Variants in ARFIP1 observed in about 807,000 individuals in gnomAD.
The protein encoded by ARFIP1 is arfaptin-1.
ARFIP1 carries 24 observed loss-of-function variants against 42.5 expected under a neutral mutation model. The observed-to-expected ratio is 0.57, with a 90% CI of 0.41 to 0.80. The LOEUF (loss-of-function observed/expected upper bound fraction) is 0.80. Among genes scored for constraint, ARFIP1 ranks in the 30% least tolerant of loss-of-function variants. The pLI is 0.00. For synonymous variants in ARFIP1, 141 were observed against 153.7 expected (o/e 0.92, Z 0.61); for missense variants, 354 against 434.0 (o/e 0.82, Z 1.64).
At chr4:152,811,559 G>T (rs1211259921) in intron 1 of ARFIP1, among the ~76,000 whole-genome samples, 1 of 152,116 alleles carries the variant, frequency 6.6e-6, no homozygotes, top group African/African-American at 2.4e-5. Context: ...TCCAGAAATG[G>T]TAAGTAGTAG....
chr4:152,854,359 T>C (rs181779726), intron 2 of ARFIP1, among the ~76,000 whole-genome samples: 6 of 152,370 alleles, frequency 3.9e-5, no homozygotes, highest in East Asian at 1.9e-4. Flanking sequence ...AAATTTCTCA[T>C]TCATATCCTG....
At chr4:152,849,751 G>A (rs1732837538) in intron 2 of ARFIP1, among the ~76,000 whole-genome samples, 1 of 152,162 alleles carries the variant, frequency 6.6e-6, no homozygotes, top group African/African-American at 2.4e-5. Context: ...GATGGAATAA[G>A]ATACAGGAGG....
Position 152,910,157 on chromosome 4 carries a change from C to A in ARFIP1, c.1060C>A (p.Gln354Lys). ...GAAGCAGCTTGAACAGACACTTAAA[C>A]AGTTCCATATCAAATTGAAAACCCC... Reference protein sequence around the residue: ...NQKQLEQTLKQFHIKLKTPGV... With the variant: ...NQKQLEQTLKKFHIKLKTPGV... The change falls in exon 9 of 9, where the codon CAG (glutamine) becomes AAG (lysine). Residue 354 changes from glutamine to lysine, a missense_variant. Physicochemically the swap from Gln to Lys is moderately conservative, Grantham distance 53. Transcript: ENST00000353617. The A allele has an allele frequency of 6.2e-7, 1 of 1,614,172 alleles. No homozygotes were observed. Among genetic ancestry groups the A allele is most frequent in the Non-Finnish European group, 8.5e-7 (1 of 1,180,018 alleles).
chr4:152,884,489 CCTT>C (rs1293520871), intron 7 of ARFIP1, among the ~76,000 whole-genome samples: 10 of 151,506 alleles, frequency 6.6e-5, no homozygotes. Context: ...ATTTTCTAGT[CCTT>C]CTGATTGTTT....
intron 1 of ARFIP1, among the ~76,000 whole-genome samples, chr4:152,783,834 G>GGTGT (rs748960689): frequency 4.7e-5 from 7 of 149,858 alleles, no homozygotes; most frequent in Admixed American, 1.3e-4. Flanking sequence ...ATAAGTCTCT[G>GGTGT]GTGTGTGTGT....
At chr4:152,829,800 C>G in intron 2 of ARFIP1, 74 bp downstream of exon 2, 2 of 1,177,448 alleles carry the variant, frequency 1.7e-6, no homozygotes, top group Non-Finnish European at 1.2e-6. Context: ...AAGTAATAGA[C>G]AAAATTTAAT....
chr4:152,892,633 G>A (rs571159863), intron 8 of ARFIP1, among the ~76,000 whole-genome samples: 22 of 152,226 alleles, frequency 1.4e-4, no homozygotes, highest in South Asian at 4.1e-4. Context: ...CCTTTCTTCC[G>A]TATGGCAAAA....
chr4:152,866,436 TA>T (rs1734348328), intron 3 of ARFIP1, among the ~76,000 whole-genome samples: 1 of 144,990 alleles, frequency 6.9e-6, no homozygotes, highest in Admixed American at 6.8e-5. Flanking sequence ...CACTTCCCAG[TA>T]GGGGCGGCCG....
At chr4:152,878,730 G>A (rs1162711032) in intron 5 of ARFIP1, among the ~76,000 whole-genome samples, 1 of 152,058 alleles carries the variant, frequency 6.6e-6, no homozygotes, top group Non-Finnish European at 1.5e-5. Flanking sequence ...GCTTGTAACC[G>A]TTATTTCTGT....
chr4:152,848,046 C>A (rs376723647), intron 2 of ARFIP1, among the ~76,000 whole-genome samples: 2 of 152,214 alleles, frequency 1.3e-5, no homozygotes, highest in African/African-American at 4.8e-5. Flanking sequence ...AAGAACCCCC[C>A]ACCTGTAAGT....
At chr4:152,889,792 ATATAC>A (rs1736647286) in intron 8 of ARFIP1, among the ~76,000 whole-genome samples, 1 of 53,132 alleles carries the variant, frequency 1.9e-5, no homozygotes, top group Non-Finnish European at 3.1e-5. Flanking sequence ...ACTATATATT[ATATAC>A]TATACTATAT....
At chr4:152,855,846 CAT>C (rs768342097) in intron 2 of ARFIP1, among the ~76,000 whole-genome samples, 6 of 152,178 alleles carry the variant, frequency 3.9e-5, no homozygotes, top group Non-Finnish European at 8.8e-5. Context: ...ACCTCTTTCC[CAT>C]ATTGGGAAGT....
chr4:152,792,718 G>A (rs1269999693), intron 1 of ARFIP1, among the ~76,000 whole-genome samples: 1 of 152,138 alleles, frequency 6.6e-6, no homozygotes, highest in Admixed American at 6.5e-5. Context: ...ATGCATTTAA[G>A]AGTGGTAGAG....
In ARFIP1 at chr4:152,831,769, C is replaced by CT. The variant is rs201178689; in HGVS notation, c.93+2052dup. Among the ~76,000 whole-genome samples the CT allele has an allele frequency of 1.2e-4, 18 of 151,546 alleles. No homozygotes were observed. The East Asian group carries it at 1.4e-3, about 11-fold the overall frequency. On this transcript the variant is annotated intron_variant, in intron 2 of 8. Coordinates refer to ENST00000353617, the MANE Select transcript of ARFIP1 (RefSeq NM_001025595.3). ...TTGTTGCTTATAGCAGTTTTTCTATCTTTTTTTTTAAATTTTAAGTTCTGG... is the reference window on the plus strand; with the variant it reads ...TTGTTGCTTATAGCAGTTTTTCTATCTTTTTTTTTTAAATTTTAAGTTCTGG...
chr4:152,901,441 T>G (rs1052602176), intron 8 of ARFIP1, among the ~76,000 whole-genome samples: 25 of 152,228 alleles, frequency 1.6e-4, no homozygotes, highest in Admixed American at 9.8e-4. Context: ...GTTTTGCCCT[T>G]TAACAATGAA....
intron 1 of ARFIP1, among the ~76,000 whole-genome samples, chr4:152,816,309 C>T (rs1348913291): frequency 6.6e-6 from 1 of 152,216 alleles, no homozygotes; most frequent in Non-Finnish European, 1.5e-5. Flanking sequence ...AAGTCACACA[C>T]GTTCTTGCCA....
At chr4:152,854,812 G>T (rs1318658929) in intron 2 of ARFIP1, among the ~76,000 whole-genome samples, 3 of 152,230 alleles carry the variant, frequency 2.0e-5, no homozygotes, top group African/African-American at 7.2e-5. Flanking sequence ...TTAGATGTCA[G>T]ATAGGTCACT....
At chr4:152,798,269 C>G (rs1731596874) in intron 1 of ARFIP1, among the ~76,000 whole-genome samples, 1 of 152,154 alleles carries the variant, frequency 6.6e-6, no homozygotes, top group African/African-American at 2.4e-5. Flanking sequence ...TCTCAAAAAA[C>G]AAGAATAGTG....
chr4:152,904,223 G>C (rs1025005424), intron 8 of ARFIP1, among the ~76,000 whole-genome samples: 1 of 139,410 alleles, frequency 7.2e-6, no homozygotes, highest in Non-Finnish European at 1.5e-5. Flanking sequence ...ACGGAGTCTC[G>C]CTCTGTCACC....
Sources: allele counts gnomAD v4.1 joint callset (sites outside exome capture counted in the v4.1 genomes callset), GRCh38; gene constraint gnomAD v4.1.1; transcripts MANE v1.5; gene names NCBI Gene and HGNC (gene_info 2026-07-23, HGNC 2026-07-21).